The following BAIAP2 variants were observed in gnomAD, a reference collection of about 807,000 sequenced individuals.
The protein encoded by BAIAP2 is BAR/IMD domain-containing adapter protein 2.
In BAIAP2, 18 loss-of-function variants were observed where a neutral mutation model predicts 63.0. The ratio of observed to expected loss-of-function variants is 0.29; its 90% CI spans 0.20 to 0.42. The LOEUF (loss-of-function observed/expected upper bound fraction) is 0.42, where lower values mean the gene tolerates loss of function less well. Ranked by LOEUF, BAIAP2 falls within the 10% of genes least tolerant of loss-of-function variation. The pLI, the probability that BAIAP2 is intolerant of heterozygous loss-of-function variation, is 1.00. For missense variants in BAIAP2, 610 were observed against 734.3 expected (o/e 0.83, Z 1.96); for synonymous variants, 386 against 307.6 (o/e 1.25, Z -2.67).
chr17:81,081,499 T>C (rs1407924169), intron 3 of BAIAP2, among the ~76,000 whole-genome samples: 2 of 152,178 alleles, frequency 1.3e-5, no homozygotes, highest in Non-Finnish European at 2.9e-5. Context: ...GTTCCCTCTC[T>C]TGTGGGGTCT....
At chr17:81,085,923 G>A (rs1455009590) in intron 5 of BAIAP2, among the ~76,000 whole-genome samples, 198 bp downstream of exon 5, 1 of 152,252 alleles carries the variant, frequency 6.6e-6, no homozygotes, top group Non-Finnish European at 1.5e-5. Flanking sequence ...GGGTGAATCC[G>A]TTGCCTCTGA....
At position 81,066,118 on chromosome 17, in the gene BAIAP2, C is replaced by G. The variant is rs531979691; in HGVS notation, c.217+8151C>G. On this transcript the variant is annotated intron_variant, in intron 3 of 13. Coordinates refer to ENST00000428708, the MANE Select transcript of BAIAP2 (RefSeq NM_001144888.2). ...CTGAGCCAGGCTGTTTTGCTCAGCC[C>G]TTTCCCATCTCTGGAGGCCTCTGGT... Among the ~76,000 whole-genome samples, 5 of 152,364 alleles carry G rather than the reference C, an allele frequency of 3.3e-5. No individual in the cohort carries two copies. In the East Asian group the frequency reaches 9.6e-4, roughly 29 times the overall value.
At position 81,053,674 on chromosome 17, in the gene BAIAP2, A is replaced by T; in HGVS notation, c.61A>T (p.Met21Leu). The T allele has an allele frequency of 1.2e-6, 2 of 1,614,088 alleles. No homozygotes were observed. The highest frequency in any genetic ancestry group is 8.5e-7 in the Non-Finnish European group (1 of 1,179,964). The change falls in exon 2 of 14, where the codon ATG becomes TTG. Residue 21 changes from methionine (M) to leucine (L), a missense_variant. Physicochemically the swap from Met to Leu is conservative, Grantham distance 15. Around this residue, in one of 5 missense-constraint regions of BAIAP2, gnomAD observed 389 missense variants for 455.6 expected, o/e 0.85. Transcript: ENST00000428708. ...RLTENVYKTI[M>L]EQFNPSLRNF... is the part of the protein sequence containing the mutation. Reference sequence around the variant, plus strand: ...CTTCTCTGCTTTCTTCCAGACCATCATGGAGCAGTTCAACCCTAGCCTCCG... The same window carrying T: ...CTTCTCTGCTTTCTTCCAGACCATCTTGGAGCAGTTCAACCCTAGCCTCCG...
intron 3 of BAIAP2, among the ~76,000 whole-genome samples, chr17:81,077,199 C>T (rs530418206): frequency 1.5e-4 from 23 of 152,284 alleles, no homozygotes; most frequent in African/African-American, 5.5e-4. Context: ...TCCGGGCAGT[C>T]AGCTAGCTCA....
intron 1 of BAIAP2, among the ~76,000 whole-genome samples, chr17:81,045,264 G>A (rs1485832382): frequency 6.6e-6 from 1 of 152,208 alleles, no homozygotes; most frequent in Non-Finnish European, 1.5e-5. Flanking sequence ...CCCATGGAAA[G>A]GGAGATGCTG....
intron 13 of BAIAP2, chr17:81,109,259 C>G: frequency 7.5e-7 from 1 of 1,338,292 alleles, no homozygotes; most frequent in Non-Finnish European, 9.5e-7. Flanking sequence ...CAGGCAGGAC[C>G]TGCTGGGCCG....
At chr17:81,112,063 G>A (rs1171163080) in intron 13 of BAIAP2, among the ~76,000 whole-genome samples, 3 of 152,248 alleles carry the variant, frequency 2.0e-5, no homozygotes, top group Non-Finnish European at 4.4e-5. Flanking sequence ...TTTGGGGACT[G>A]GATGGAGATG....
intron 1 of BAIAP2, 129 bp from the exon 2 acceptor site, chr17:81,053,539 C>T: frequency 9.5e-6 from 9 of 943,040 alleles, no homozygotes; most frequent in Non-Finnish European, 1.5e-5. Flanking sequence ...GGAAGCCCAC[C>T]TTGAGCATTT....
At chr17:81,038,854 C>T (rs1320845015) in intron 1 of BAIAP2, among the ~76,000 whole-genome samples, 2 of 151,422 alleles carry the variant, frequency 1.3e-5, no homozygotes, top group Non-Finnish European at 3.0e-5. Context: ...CTGACAGGCA[C>T]CTCCTGCTGA....
chr17:81,106,211 G>C (rs1289490147), intron 11 of BAIAP2, 65 bp downstream of exon 11: 4 of 1,492,630 alleles, frequency 2.7e-6, no homozygotes, highest in Non-Finnish European at 2.7e-6. Context: ...GATGACACCA[G>C]GTCCCTGGGC....
chr17:81,098,976 C>G (rs1348963279), intron 6 of BAIAP2, among the ~76,000 whole-genome samples: 4 of 30,514 alleles, frequency 1.3e-4, no homozygotes, highest in African/African-American at 2.6e-4. Context: ...CCCCATCCCC[C>G]CATCCCCCCA....
chr17:81,104,164 C>T lies in BAIAP2; in HGVS notation c.1066+56C>T, dbSNP rs114465391. ...GTCCCTGGACGTGCCTCCTCAGACC[C>T]TACAGTCATGCCACAACCCTCAATA... On this transcript the variant is annotated intron_variant, in intron 9 of 13. Coordinates refer to ENST00000428708, the MANE Select transcript of BAIAP2 (RefSeq NM_001144888.2). The T allele has an allele frequency of 8.9e-4, 1,406 of 1,575,738 alleles. 13 individuals carry two copies. The African/African-American group carries it at 0.017, about 19-fold the overall frequency.
chr17:81,106,714 C>G (rs781336256), intron 11 of BAIAP2, 31 bp from the exon 12 acceptor site: 41 of 1,611,814 alleles, frequency 2.5e-5, no homozygotes, highest in Non-Finnish European at 3.2e-5. Context: ...ATCCGGCCTG[C>G]TGGGCCGCCT....
At chr17:81,040,065 A>C (rs939866182) in intron 1 of BAIAP2, among the ~76,000 whole-genome samples, 1 of 152,112 alleles carries the variant, frequency 6.6e-6, no homozygotes, top group Non-Finnish European at 1.5e-5. Flanking sequence ...GCCCTGGGCT[A>C]GTGTTGCCTG....
intron 7 of BAIAP2, among the ~76,000 whole-genome samples, chr17:81,102,007 TG>T (rs2058556864): frequency 6.6e-6 from 1 of 152,166 alleles, no homozygotes; most frequent in Non-Finnish European, 1.5e-5. Flanking sequence ...GGGTGCTGCC[TG>T]CAGGGATGGA....
intron 6 of BAIAP2, among the ~76,000 whole-genome samples, chr17:81,089,808 C>T (rs1032252627): frequency 6.6e-6 from 1 of 152,036 alleles, no homozygotes; most frequent in African/African-American, 2.4e-5. Flanking sequence ...ACCATGTGGG[C>T]GGAGAGGGCA....
At chr17:81,054,768 G>A (rs1288787164) in intron 2 of BAIAP2, among the ~76,000 whole-genome samples, 1 of 152,072 alleles carries the variant, frequency 6.6e-6, no homozygotes, top group African/African-American at 2.4e-5. Flanking sequence ...GCTTCCCATC[G>A]CCCCCACCCC....
intron 13 of BAIAP2, chr17:81,109,683 C>T (rs1775682806): frequency 1.0e-6 from 1 of 985,294 alleles, no homozygotes; most frequent in African/African-American, 1.7e-5. Flanking sequence ...ACACTGCGGG[C>T]CAGGTGTACA....
chr17:81,092,034 G>C (rs2056860839), intron 6 of BAIAP2, among the ~76,000 whole-genome samples: 1 of 152,268 alleles, frequency 6.6e-6, no homozygotes, highest in East Asian at 1.9e-4. Context: ...GGAGGTGGTG[G>C]CTGGTGCCTG....
Sources: gnomAD v4.1 joint callset for allele counts (sites outside exome capture counted in the v4.1 genomes callset) on GRCh38, gnomAD v4.1.1 for gene constraint, gnomAD v4.1.1 regional missense constraint, MANE v1.5 for transcripts, NCBI Gene and HGNC (gene_info 2026-07-23, HGNC 2026-07-21) for gene names.